The following GRID2 variants were observed in gnomAD, a reference collection of about 807,000 sequenced individuals.
GRID2 encodes glutamate ionotropic receptor delta type subunit 2.
A neutral mutation model predicts 114.8 loss-of-function variants in GRID2; 33 were observed. The observed-to-expected ratio is 0.29, with a 90% CI of 0.22 to 0.38. The LOEUF (loss-of-function observed/expected upper bound fraction) is 0.38, where lower values mean the gene tolerates loss of function less well. GRID2 is among the 10% of genes least tolerant of loss of function. GRID2 has a pLI of 1.00. For synonymous variants in GRID2, 505 were observed against 449.9 expected (o/e 1.12, Z -1.55); for missense variants, 1,184 against 1,257.7 (o/e 0.94, Z 0.89).
chr4:92,766,584 G>C (rs1014525766), intron 2 of GRID2, among the ~76,000 whole-genome samples: 1 of 149,162 alleles, frequency 6.7e-6, no homozygotes, highest in African/African-American at 2.5e-5. Context: ...GAATGGTAAT[G>C]TATGAATGAA....
At chr4:92,957,516 G>A (rs961194194) in intron 2 of GRID2, among the ~76,000 whole-genome samples, 2 of 151,788 alleles carry the variant, frequency 1.3e-5, no homozygotes, top group Non-Finnish European at 2.9e-5. Context: ...CTATTTGTCT[G>A]TTCTCTTACC....
rs546346231 is a variant in GRID2, at chr4:92,741,979, T to A, written c.244+151693T>A. On this transcript the variant is annotated intron_variant, in intron 2 of 15. Transcript: ENST00000282020. ...GGCTCGAAATGTTTGTGTGTACAGA[T>A]AATATTTCACTGATGTTACTGTAGG... Among the ~76,000 whole-genome samples, 6 of 152,298 alleles carry A rather than the reference T, an allele frequency of 3.9e-5. No homozygotes were observed. In the East Asian group the frequency reaches 1.2e-3, roughly 29 times the overall value.
At chr4:93,722,425 A>G (rs1729464648) in intron 14 of GRID2, among the ~76,000 whole-genome samples, 1 of 152,310 alleles carries the variant, frequency 6.6e-6, no homozygotes, top group South Asian at 2.1e-4. Context: ...AACATATTCT[A>G]TGTTATTTCT....
At chr4:92,767,012 C>A (rs1054650125) in intron 2 of GRID2, among the ~76,000 whole-genome samples, 3 of 152,160 alleles carry the variant, frequency 2.0e-5, no homozygotes, top group African/African-American at 7.2e-5. Context: ...GGTAATCATC[C>A]ACCTTCCCTT....
chr4:93,560,222 T>TACAAAAAAAAAAA (rs1734772331), intron 13 of GRID2, among the ~76,000 whole-genome samples: 1 of 42,946 alleles, frequency 2.3e-5, no homozygotes, highest in African/African-American at 8.9e-5. Flanking sequence ...GAACTTAAAG[T>TACAAAAAAAAAAA]AAAAAAAAAA....
chr4:92,653,415 A>G (rs1009743319), intron 2 of GRID2, among the ~76,000 whole-genome samples: 25 of 151,648 alleles, frequency 1.6e-4, no homozygotes, highest in Middle Eastern at 3.4e-3. Flanking sequence ...ACATTCACTT[A>G]TCTTTTTTCT....
At chr4:92,540,243 C>T (rs1386844985) in intron 1 of GRID2, among the ~76,000 whole-genome samples, 1 of 152,132 alleles carries the variant, frequency 6.6e-6, no homozygotes. Context: ...TAGGCAAGGG[C>T]TTCATGTCTA....
At chr4:92,922,449 C>T (rs1172040516) in intron 2 of GRID2, among the ~76,000 whole-genome samples, 1 of 152,130 alleles carries the variant, frequency 6.6e-6, no homozygotes, top group African/African-American at 2.4e-5. Flanking sequence ...ATGCTGGGAG[C>T]TGTAGACTGG....
intron 2 of GRID2, among the ~76,000 whole-genome samples, chr4:92,819,766 A>AT (rs922365256): frequency 7.2e-5 from 11 of 151,930 alleles, no homozygotes; most frequent in African/African-American, 1.2e-4. Context: ...TGCTTAAAAT[A>AT]TTTTTTTTCT....
At chr4:92,914,675 AT>A (rs1748646653) in intron 2 of GRID2, among the ~76,000 whole-genome samples, 1 of 151,830 alleles carries the variant, frequency 6.6e-6, no homozygotes, top group South Asian at 2.1e-4. Context: ...GCAGTATTTG[AT>A]TTTCTGTTCC....
At position 93,397,754 on chromosome 4, in the gene GRID2, A is replaced by G. The variant is rs2149333113; in HGVS notation, c.1347+2046A>G. Among the ~76,000 whole-genome samples, 3 of 152,102 alleles carry G rather than the reference A, an allele frequency of 2.0e-5. No homozygotes were observed. In the South Asian group the frequency reaches 6.2e-4, roughly 32 times the overall value. On this transcript the variant is annotated intron_variant, in intron 9 of 15. Coordinates refer to ENST00000282020, the MANE Select transcript of GRID2 (RefSeq NM_001510.4). The stretch of plus-strand genomic sequence containing the variant: ...TCTTAAGTTTCTGATATAAAATGAT[A>G]TAGTATTTGCATATAACCTATGTAC...
At chr4:93,386,570 A>G (rs1465501242) in intron 8 of GRID2, among the ~76,000 whole-genome samples, 1 of 152,154 alleles carries the variant, frequency 6.6e-6, no homozygotes, top group African/African-American at 2.4e-5. Context: ...GTGATAGTAT[A>G]ATCAAGAGTC....
chr4:93,591,328 C>G (rs913231959), intron 13 of GRID2, among the ~76,000 whole-genome samples: 6 of 151,658 alleles, frequency 4.0e-5, no homozygotes, highest in Admixed American at 3.9e-4. Context: ...TGGTTTTTGT[C>G]TTTGGCTCTG....
intron 2 of GRID2, among the ~76,000 whole-genome samples, chr4:92,894,060 A>G (rs1252244800): frequency 6.6e-6 from 1 of 152,182 alleles, no homozygotes; most frequent in Non-Finnish European, 1.5e-5. Context: ...TCTTTTGGTT[A>G]CAGCTAGGTC....
chr4:92,378,756 A>C (rs1729474676), intron 1 of GRID2, among the ~76,000 whole-genome samples: 1 of 152,076 alleles, frequency 6.6e-6, no homozygotes, highest in Non-Finnish European at 1.5e-5. Context: ...CATATTGTGG[A>C]ATAGGATACC....
intron 4 of GRID2, among the ~76,000 whole-genome samples, chr4:93,153,330 C>T (rs1241129962): frequency 1.3e-5 from 2 of 152,004 alleles, no homozygotes; most frequent in Non-Finnish European, 2.9e-5. Flanking sequence ...AGCATTGAAT[C>T]GGACTTTCAT....
At chr4:93,333,476 T>A (rs1368721) in intron 8 of GRID2, among the ~76,000 whole-genome samples, 68,718 of 151,918 alleles carry the variant, frequency 0.45, 16,198 homozygotes, top group East Asian at 0.7. Context: ...TACATTTTTT[T>A]AAAATCACAT....
At chr4:92,881,199 G>C (rs149681977) in intron 2 of GRID2, among the ~76,000 whole-genome samples, 1 of 152,078 alleles carries the variant, frequency 6.6e-6, no homozygotes, top group Non-Finnish European at 1.5e-5. Context: ...CACCCAGCTC[G>C]GCCTCTTTTT....
At chr4:93,026,245 T>C (rs1578786002) in intron 2 of GRID2, among the ~76,000 whole-genome samples, 1 of 151,848 alleles carries the variant, frequency 6.6e-6, no homozygotes, top group African/African-American at 2.4e-5. Context: ...ATTCAAATGT[T>C]TTCTGAGATT....
Sources: allele counts gnomAD v4.1 joint callset (sites outside exome capture counted in the v4.1 genomes callset), GRCh38; gene constraint gnomAD v4.1.1; transcripts MANE v1.5; gene names NCBI Gene and HGNC (gene_info 2026-07-23, HGNC 2026-07-21).